The following ACSM1 variants were observed in gnomAD, a reference collection of about 807,000 sequenced individuals.
ACSM1 encodes acyl-CoA synthetase medium chain family member 1.
A neutral mutation model predicts 75.8 loss-of-function variants in ACSM1; 79 were observed. The ratio of observed to expected loss-of-function variants is 1.04; its 90% CI spans 0.87 to 1.26. ACSM1 has a LOEUF of 1.26. ACSM1 is among the 50% of genes most tolerant of loss of function. ACSM1 has a pLI of 0.00. For missense variants in ACSM1, 676 were observed against 720.1 expected, an observed-to-expected ratio of 0.94 and a Z score of 0.70; for synonymous variants, 279 against 265.8, an observed-to-expected ratio of 1.05 and a Z score of -0.48.
At chr16:20,644,575 A>ACACAT (rs2018256654) in intron 7 of ACSM1, among the ~76,000 whole-genome samples, 1 of 148,358 alleles carries the variant, frequency 6.7e-6, no homozygotes, top group Non-Finnish European at 1.5e-5. Flanking sequence ...ACACACACAC[A>ACACAT]CACATAATGG....
chr16:20,689,007 AAT>A (rs1353553138), intron 2 of ACSM1, among the ~76,000 whole-genome samples: 1 of 148,640 alleles, frequency 6.7e-6, no homozygotes, highest in Non-Finnish European at 1.5e-5. Flanking sequence ...ATTATATATT[AAT>A]ATATGTTAAC....
intron 7 of ACSM1, among the ~76,000 whole-genome samples, chr16:20,652,745 A>T (rs893950858): frequency 1.1e-4 from 16 of 152,222 alleles, no homozygotes; most frequent in Non-Finnish European, 2.4e-4. Flanking sequence ...AGGCTCTGAA[A>T]TTGAGGCAAT....
At chr16:20,694,408 C>T (rs2079678922) in intron 1 of ACSM1, among the ~76,000 whole-genome samples, 1 of 152,162 alleles carries the variant, frequency 6.6e-6, no homozygotes, top group Non-Finnish European at 1.5e-5. Context: ...CTTTACGGCA[C>T]CAAGGAACAA....
rs375896085 is a variant in ACSM1, at chr16:20,661,701, C to T, written c.992+93G>A. 5.3e-4 allele frequency: 492 copies of T among 920,842 alleles called. 1 individual carries two copies. The African/African-American group carries it at 7.2e-3, about 13-fold the overall frequency. The allele number at this position is 920,842 out of a possible 1,614,324, so 57.0% of individuals were successfully genotyped here. Reference sequence around the variant, plus strand: ...CACTTAACACACAAACACACACACACTCCTCAAAGAACCAGAAGAAAAACA... The same window carrying T: ...CACTTAACACACAAACACACACACATTCCTCAAAGAACCAGAAGAAAAACA... On this transcript the variant is annotated intron_variant, in intron 7 of 13. Coordinates refer to ENST00000520010, the MANE Select transcript of ACSM1 (RefSeq NM_001318890.3).
chr16:20,678,355 AC>A (rs1338404615), intron 4 of ACSM1, among the ~76,000 whole-genome samples: 1 of 152,202 alleles, frequency 6.6e-6, no homozygotes, highest in East Asian at 1.9e-4. Flanking sequence ...GCCATGGCTC[AC>A]TGCTATTACT....
intron 4 of ACSM1, among the ~76,000 whole-genome samples, chr16:20,672,471 A>AAAAAT (rs1555473775): frequency 2.6e-4 from 17 of 64,568 alleles, no homozygotes; most frequent in African/African-American, 5.5e-4. Flanking sequence ...AAAAAAAAAA[A>AAAAAT]ATATATATAT....
At chr16:20,642,628 T>C (rs28704796) in intron 7 of ACSM1, among the ~76,000 whole-genome samples, 18,809 of 152,250 alleles carry the variant, frequency 0.12, 1,634 homozygotes, top group East Asian at 0.49. Flanking sequence ...TTATCCCCCG[T>C]GCAATACAAT....
At position 20,637,362 on chromosome 16, in the gene ACSM1, G is replaced by A. The variant is rs765467545; in HGVS notation, c.1197+9C>T. The A allele has an allele frequency of 1.2e-6, 2 of 1,613,774 alleles. No homozygotes were observed. The highest frequency in any genetic ancestry group is 1.7e-6 in the Non-Finnish European group (2 of 1,179,728). ...TAACTGCTCCCTGCCAATGCCCTTA[G>A]GACCAGACCTGGACGTCGTAGGGTG... On this transcript the variant is annotated intron_variant, in intron 9 of 13. Coordinates refer to ENST00000520010, the MANE Select transcript of ACSM1 (RefSeq NM_001318890.3).
At chr16:20,633,596 G>A (rs1174245124) in intron 10 of ACSM1, among the ~76,000 whole-genome samples, 4 of 152,100 alleles carry the variant, frequency 2.6e-5, no homozygotes, top group Non-Finnish European at 4.4e-5. Context: ...TGACAATACT[G>A]CCCAAAGCTA....
chr16:20,674,100 C>T (rs1030612471), intron 4 of ACSM1: 2 of 450,620 alleles, frequency 4.4e-6, no homozygotes, highest in African/African-American at 2.0e-5. Context: ...CATTCTTCTA[C>T]CTGTGGAACA....
At position 20,636,683 on chromosome 16, in the gene ACSM1, A is replaced by C; in HGVS notation, c.1299+56T>G. 11 of 1,284,852 alleles carry C rather than the reference A, an allele frequency of 8.6e-6. No homozygotes were observed. The South Asian group carries it at 9.7e-5, about 11-fold the overall frequency. The allele number at this position is 1,284,852 out of a possible 1,614,324, so 79.6% of individuals were successfully genotyped here. On this transcript the variant is annotated intron_variant, in intron 10 of 13. Coordinates refer to ENST00000520010, the MANE Select transcript of ACSM1 (RefSeq NM_001318890.3). ...AGGACTTGAAGAAGCCTCAGGATGC[A>C]GAGCTCCCTGTTGGGATCCTTGGGG...
intron 4 of ACSM1, chr16:20,680,700 T>C (rs2079425810): frequency 6.6e-6 from 1 of 152,174 alleles, no homozygotes. Context: ...AAAACAAAAC[T>C]CTATGGAGAA....
At chr16:20,685,104 C>T in intron 3 of ACSM1, 89 bp downstream of exon 3, 5 of 1,416,344 alleles carry the variant, frequency 3.5e-6, no homozygotes, top group Non-Finnish European at 5.0e-6. Flanking sequence ...TGTGTCAGTG[C>T]CAGGCTGGGT....
chr16:20,630,960 A>G (rs970158097), intron 10 of ACSM1, among the ~76,000 whole-genome samples: 1 of 152,256 alleles, frequency 6.6e-6, no homozygotes, highest in Non-Finnish European at 1.5e-5. Context: ...GAAATTTAGA[A>G]ATTATCTTGA....
chr16:20,685,489 C>G, intron 2 of ACSM1, 86 bp from the exon 3 acceptor site: 1 of 1,226,586 alleles, frequency 8.2e-7, no homozygotes, highest in Non-Finnish European at 1.2e-6. Flanking sequence ...TAGTCACGTT[C>G]CAATGTGAAC....
chr16:20,652,436 C>CA (rs1425969657), intron 7 of ACSM1, among the ~76,000 whole-genome samples: 16 of 150,116 alleles, frequency 1.1e-4, no homozygotes, highest in African/African-American at 1.7e-4. Context: ...GTATTTTTGA[C>CA]AAAAAAATTT....
Position 20,687,451 on chromosome 16 carries a change from T to C in ACSM1, c.193-2048A>G, listed in dbSNP as rs531585090. 7.2e-5 allele frequency among the ~76,000 whole-genome samples: 11 copies of C among 152,214 alleles called. No individual in the cohort carries two copies. The South Asian group carries it at 2.3e-3, about 32-fold the overall frequency. Reference sequence around the variant, plus strand: ...AAAAGGCCTGAGAAGGCCTAAAGCCTTCACACTATGAAGATTAGTGAAGGT... The same window carrying C: ...AAAAGGCCTGAGAAGGCCTAAAGCCCTCACACTATGAAGATTAGTGAAGGT... On this transcript the variant is annotated intron_variant, in intron 2 of 13. Coordinates refer to ENST00000520010, the MANE Select transcript of ACSM1 (RefSeq NM_001318890.3).
At chr16:20,635,152 T>C (rs2017586915) in intron 10 of ACSM1, among the ~76,000 whole-genome samples, 1 of 152,180 alleles carries the variant, frequency 6.6e-6, no homozygotes, top group Non-Finnish European at 1.5e-5. Flanking sequence ...CACAGCACTT[T>C]GGGAGGCTGA....
chr16:20,634,009 G>C (rs753987317), intron 10 of ACSM1, among the ~76,000 whole-genome samples: 1 of 152,214 alleles, frequency 6.6e-6, no homozygotes, highest in Non-Finnish European at 1.5e-5. Flanking sequence ...AATAGAAACA[G>C]TGTGGTATTG....
Sources: gnomAD v4.1 joint callset for allele counts (sites outside exome capture counted in the v4.1 genomes callset) on GRCh38, gnomAD v4.1.1 for gene constraint, MANE v1.5 for transcripts, NCBI Gene and HGNC (gene_info 2026-07-23, HGNC 2026-07-21) for gene names.